Variants in TMEM44 observed in about 807,000 individuals in gnomAD.
TMEM44 encodes the protein transmembrane protein 44.
In TMEM44, 43 loss-of-function variants were observed where a neutral mutation model predicts 47.8. The ratio of observed to expected loss-of-function variants is 0.90; its 90% CI spans 0.70 to 1.16. TMEM44 has a LOEUF of 1.16. Among genes scored for constraint, TMEM44 ranks in the 50% most tolerant of loss-of-function variants. The probability of loss-of-function intolerance (pLI) is 0.00; values close to 1 mark genes in which losing one functional copy is unlikely to be tolerated. For missense variants in TMEM44, 568 were observed against 555.2 expected, an observed-to-expected ratio of 1.02 and a Z score of -0.23; for synonymous variants, 277 against 238.8, an observed-to-expected ratio of 1.16 and a Z score of -1.48.
intron 5 of TMEM44, among the ~76,000 whole-genome samples, chr3:194,620,671 G>A (rs865890761): frequency 2.0e-5 from 3 of 152,268 alleles, no homozygotes; most frequent in Middle Eastern, 6.8e-3. Context: ...GGTGGGGCTG[G>A]CCTGGGGGCT....
chr3:194,626,674 TAGTTA>T (rs1211037102), intron 2 of TMEM44, among the ~76,000 whole-genome samples: 1 of 151,022 alleles, frequency 6.6e-6, no homozygotes, highest in East Asian at 2.0e-4. Flanking sequence ...GCCAAGTATG[TAGTTA>T]AGTTTTTTTT....
chr3:194,589,421 CCT>C (rs1186503672), intron 9 of TMEM44: 6 of 152,254 alleles, frequency 3.9e-5, no homozygotes, highest in Non-Finnish European at 7.3e-5. Flanking sequence ...CTGATTTGCC[CCT>C]GAGCACGGAC....
chr3:194,593,331 T>C (rs1712994163), intron 9 of TMEM44, among the ~76,000 whole-genome samples: 2 of 152,144 alleles, frequency 1.3e-5, no homozygotes, highest in African/African-American at 4.8e-5. Context: ...TTACAATCTA[T>C]CAAGATTTAA....
intron 1 of TMEM44, among the ~76,000 whole-genome samples, chr3:194,628,832 T>C (rs958201671): frequency 1.3e-5 from 2 of 152,078 alleles, no homozygotes; most frequent in African/African-American, 4.8e-5. Flanking sequence ...AAAGCAGCCA[T>C]CGGGTTTTAT....
intron 8 of TMEM44, among the ~76,000 whole-genome samples, chr3:194,608,005 A>G (rs575778948): frequency 1.5e-3 from 227 of 152,348 alleles, no homozygotes; most frequent in African/African-American, 5.4e-3. Flanking sequence ...AATCCCTTCG[A>G]CACTGAGCTA....
At chr3:194,608,588 A>G (rs1714998190) in intron 8 of TMEM44, among the ~76,000 whole-genome samples, 1 of 152,242 alleles carries the variant, frequency 6.6e-6, no homozygotes, top group Non-Finnish European at 1.5e-5. Flanking sequence ...GTTAGGGAAG[A>G]GCTCTGGAGA....
chr3:194,628,251 C>T (rs1717382851), intron 2 of TMEM44, 132 bp downstream of exon 2: 6 of 1,271,244 alleles, frequency 4.7e-6, no homozygotes, highest in South Asian at 1.6e-5. Context: ...CAGCCAGGCA[C>T]AGGTTCTGAG....
chr3:194,594,150 T>C (rs1322205867), intron 9 of TMEM44, among the ~76,000 whole-genome samples: 1 of 150,382 alleles, frequency 6.6e-6, no homozygotes, highest in Non-Finnish European at 1.5e-5. Flanking sequence ...TATCTATCTA[T>C]CTATCTATCT....
chr3:194,617,306 A>T, intron 5 of TMEM44, 37 bp from the exon 6 acceptor site: 2 of 1,481,184 alleles, frequency 1.4e-6, no homozygotes, highest in Non-Finnish European at 1.8e-6. Flanking sequence ...CGGGAGAAGC[A>T]GCAGATCACA....
chr3:194,628,529 G>A lies in TMEM44; in HGVS notation c.138-20C>T. 6.3e-7 allele frequency: 1 copy of A among 1,598,680 alleles called. No individual in the cohort carries two copies. Among genetic ancestry groups the A allele is most frequent in the Non-Finnish European group, 8.5e-7 (1 of 1,171,058 alleles). On this transcript the variant is annotated intron_variant, in intron 1 of 9. Coordinates refer to ENST00000347147, the MANE Select transcript of TMEM44 (RefSeq NM_001011655.3). Reference sequence around the variant, plus strand: ...AGAAGCCTGGGGTGACAGGGGTGTGGACAGAACACAGCAACTGTGAGTTTG... The same window carrying A: ...AGAAGCCTGGGGTGACAGGGGTGTGAACAGAACACAGCAACTGTGAGTTTG...
chr3:194,615,794 C>T, intron 6 of TMEM44, 97 bp from the exon 7 acceptor site: 15 of 1,477,810 alleles, frequency 1.0e-5, no homozygotes, highest in Non-Finnish European at 1.4e-5. Flanking sequence ...CCTCCCCACT[C>T]ACCTACTCTC....
At chr3:194,604,245 G>A (rs572798329) in intron 9 of TMEM44, 42 bp downstream of exon 9, 15 of 1,560,526 alleles carry the variant, frequency 9.6e-6, no homozygotes, top group African/African-American at 2.7e-5. Context: ...GTCGGCGAAC[G>A]ATGGCACCCA....
chr3:194,601,972 C>G (rs551743388), intron 9 of TMEM44, among the ~76,000 whole-genome samples: 3 of 152,194 alleles, frequency 2.0e-5, no homozygotes, highest in African/African-American at 7.2e-5. Flanking sequence ...CGTCGCCATC[C>G]CTGAGTCACC....
intron 8 of TMEM44, among the ~76,000 whole-genome samples, chr3:194,606,822 C>T (rs1714821743): frequency 6.6e-6 from 1 of 151,386 alleles, no homozygotes; most frequent in African/African-American, 2.4e-5. Context: ...GGCATATGCC[C>T]ATAGTCTCAG....
chr3:194,632,565 A>AC (rs924707454), intron 1 of TMEM44, among the ~76,000 whole-genome samples: 15 of 152,162 alleles, frequency 9.9e-5, no homozygotes, highest in African/African-American at 3.4e-4. Flanking sequence ...CTCCCTTCCC[A>AC]CCTAAGAGGA....
At chr3:194,631,474 GC>G (rs1717823292) in intron 1 of TMEM44, among the ~76,000 whole-genome samples, 2 of 152,166 alleles carry the variant, frequency 1.3e-5, no homozygotes, top group African/African-American at 4.8e-5. Context: ...TGACCTGCTG[GC>G]CCAAGCCTGA....
At chr3:194,590,354 G>C (rs1712499990) in intron 9 of TMEM44, 1 of 152,202 alleles carries the variant, frequency 6.6e-6, no homozygotes, top group Admixed American at 6.5e-5. Flanking sequence ...ACTGGGTTTG[G>C]GCAGCTCGTC....
intron 6 of TMEM44, 50 bp from the exon 7 acceptor site, chr3:194,615,747 C>T (rs765891482): frequency 1.4e-5 from 22 of 1,600,242 alleles, no homozygotes; most frequent in South Asian, 3.3e-5. Flanking sequence ...AGCTGCCTAG[C>T]GTGGCCCTTC....
Position 194,623,284 on chromosome 3 carries a change from C to A in TMEM44, c.552G>T (p.Leu184=), listed in dbSNP as rs1181227557. Residue 184 remains leucine, a synonymous_variant, in exon 5 of 10, where the codon CTG becomes CTT. Transcript: ENST00000347147. ...LQENTEILGY[L]LGSVAAFGSW... ...AGCCAAAGGCAGCAACGCTACCCAGCAGGTAGCCGAGGATCTCAGTATTTT... is the reference window on the plus strand; with the variant it reads ...AGCCAAAGGCAGCAACGCTACCCAGAAGGTAGCCGAGGATCTCAGTATTTT... The A allele has an allele frequency of 5.6e-6, 9 of 1,610,742 alleles. No individual in the cohort carries two copies. Among genetic ancestry groups the A allele is most frequent in the Middle Eastern group, 3.3e-4 (2 of 6,082 alleles).
Sources: gnomAD v4.1 joint callset for allele counts (sites outside exome capture counted in the v4.1 genomes callset) on GRCh38, gnomAD v4.1.1 for gene constraint, MANE v1.5 for transcripts, NCBI Gene and HGNC (gene_info 2026-07-23, HGNC 2026-07-21) for gene names.